ROBO2: variants seen among roughly 807,000 people sequenced by gnomAD.
The protein encoded by ROBO2 is roundabout guidance receptor 2, also known as roundabout homolog 2.
Under a neutral mutation model 160.8 loss-of-function variants are expected in ROBO2, and 53 were observed. The ratio of observed to expected loss-of-function variants is 0.33; its 90% CI spans 0.26 to 0.41. The LOEUF is 0.41. Ranked by LOEUF, ROBO2 falls within the 10% of genes least tolerant of loss-of-function variation. The probability of loss-of-function intolerance (pLI) is 1.00; values close to 1 mark genes in which losing one functional copy is unlikely to be tolerated. For missense variants in ROBO2, 1,577 were observed against 1,722.4 expected (o/e 0.92, Z 1.49); for synonymous variants, 664 against 611.7 (o/e 1.09, Z -1.26).
intron 2 of ROBO2, among the ~76,000 whole-genome samples, chr3:76,359,912 A>G (rs763428351): frequency 1.3e-5 from 2 of 152,084 alleles, no homozygotes; most frequent in Non-Finnish European, 2.9e-5. Flanking sequence ...TAAATATGAC[A>G]CAGAAACATG....
intron 2 of ROBO2, among the ~76,000 whole-genome samples, chr3:76,371,395 C>T (rs899869307): frequency 9.2e-5 from 14 of 151,868 alleles, no homozygotes; most frequent in African/African-American, 3.4e-4. Context: ...TGCACATTTG[C>T]TGATGTGAGA....
intron 2 of ROBO2, among the ~76,000 whole-genome samples, chr3:76,915,142 G>A (rs963922137): frequency 6.6e-6 from 1 of 151,792 alleles, no homozygotes; most frequent in African/African-American, 2.4e-5. Context: ...TTTATTTCTT[G>A]TTGTTCTCCC....
At chr3:76,934,608 G>A (rs566899206) in intron 2 of ROBO2, among the ~76,000 whole-genome samples, 12 of 152,126 alleles carry the variant, frequency 7.9e-5, no homozygotes, top group African/African-American at 2.9e-4. Context: ...GGACATGGTG[G>A]TGCATGCCTG....
chr3:76,678,754 G>T (rs1019146966), intron 2 of ROBO2, among the ~76,000 whole-genome samples: 2 of 152,034 alleles, frequency 1.3e-5, no homozygotes, highest in Non-Finnish European at 2.9e-5. Context: ...TTGCTCAGCC[G>T]CTAATATTGG....
intron 2 of ROBO2, among the ~76,000 whole-genome samples, chr3:76,963,836 C>CAAAAAAAAAAAAAAGAA (rs11407644): frequency 9.4e-6 from 1 of 106,208 alleles, no homozygotes; most frequent in African/African-American, 3.3e-5. Flanking sequence ...TGAGGAACTG[C>CAAAAAAAAAAAAAAGAA]AAAAAAAAAA....
chr3:77,245,582 C>T (rs947356726), intron 2 of ROBO2, among the ~76,000 whole-genome samples: 27 of 152,128 alleles, frequency 1.8e-4, no homozygotes, highest in African/African-American at 6.3e-4. Context: ...ACATAATTAA[C>T]GTACTGACTC....
At chr3:77,535,204 C>T (rs2092014420) in intron 6 of ROBO2, among the ~76,000 whole-genome samples, 1 of 149,352 alleles carries the variant, frequency 6.7e-6, no homozygotes, top group Admixed American at 6.6e-5. Context: ...TTTTCTTTTT[C>T]TTTTTCTTTT....
At chr3:77,237,083 G>T (rs2088110685) in intron 2 of ROBO2, among the ~76,000 whole-genome samples, 5 of 151,774 alleles carry the variant, frequency 3.3e-5, no homozygotes, top group Admixed American at 2.6e-4. Context: ...ACTTTGGCCA[G>T]GCTCTTCTCC....
chr3:76,984,843 C>T (rs1044394612), intron 2 of ROBO2, among the ~76,000 whole-genome samples: 4 of 151,840 alleles, frequency 2.6e-5, no homozygotes, highest in African/African-American at 9.7e-5. Context: ...ATTTATTTGA[C>T]ATAATTACAT....
intron 2 of ROBO2, among the ~76,000 whole-genome samples, chr3:77,390,777 A>T (rs2074642929): frequency 6.6e-6 from 1 of 152,304 alleles, no homozygotes; most frequent in African/African-American, 2.4e-5. Flanking sequence ...ATTATCCATT[A>T]TTCCTGTAAA....
At chr3:77,551,793 T>C (rs1379476003) in intron 8 of ROBO2, among the ~76,000 whole-genome samples, 1 of 152,076 alleles carries the variant, frequency 6.6e-6, no homozygotes, top group Non-Finnish European at 1.5e-5. Flanking sequence ...GGTGTCTTCT[T>C]GATCCCCTTC....
At chr3:75,953,058 A>G (rs567014233) in intron 2 of ROBO2, among the ~76,000 whole-genome samples, 1 of 152,086 alleles carries the variant, frequency 6.6e-6, no homozygotes, top group East Asian at 1.9e-4. Flanking sequence ...GATCATGAAT[A>G]AGGCTCCTAT....
chr3:76,812,932 T>TTTTTTTTG (rs2065328018), intron 2 of ROBO2, among the ~76,000 whole-genome samples: 1 of 149,226 alleles, frequency 6.7e-6, no homozygotes, highest in African/African-American at 2.5e-5. Flanking sequence ...TTTTTTTTTT[T>TTTTTTTTG]TTTAGCAAAT....
chr3:77,480,543 A>G (rs746757939), intron 3 of ROBO2, among the ~76,000 whole-genome samples: 1 of 152,136 alleles, frequency 6.6e-6, no homozygotes, highest in Non-Finnish European at 1.5e-5. Context: ...CATTTTCTCC[A>G]AGAATTATCT....
intron 2 of ROBO2, among the ~76,000 whole-genome samples, chr3:77,191,254 G>A (rs2081818254): frequency 6.6e-6 from 1 of 151,830 alleles, no homozygotes; most frequent in African/African-American, 2.4e-5. Context: ...AACCCTAATC[G>A]GTATTGTAAG....
chr3:76,183,706 A>G (rs1323657244), intron 2 of ROBO2, among the ~76,000 whole-genome samples: 3 of 152,090 alleles, frequency 2.0e-5, no homozygotes, highest in African/African-American at 4.8e-5. Flanking sequence ...CGAATATTCT[A>G]TTGGCTTATT....
chr3:76,773,848 T>C (rs1560537109), intron 2 of ROBO2, among the ~76,000 whole-genome samples: 1 of 150,744 alleles, frequency 6.6e-6, no homozygotes, highest in Admixed American at 6.6e-5. Context: ...AGAAACTGGA[T>C]TTATTTTTTC....
chr3:77,045,165 CT>C (rs913696198), intron 1 of ROBO2, among the ~76,000 whole-genome samples: 1 of 152,060 alleles, frequency 6.6e-6, no homozygotes. Flanking sequence ...TGATTATAAA[CT>C]CTTTTTAAAA....
intron 1 of ROBO2, among the ~76,000 whole-genome samples, chr3:77,072,223 G>A (rs2067500912): frequency 6.6e-6 from 1 of 152,074 alleles, no homozygotes; most frequent in African/African-American, 2.4e-5. Context: ...CCCCAGATGG[G>A]ACTGTCTACT....
Sources: allele counts gnomAD v4.1 joint callset (sites outside exome capture counted in the v4.1 genomes callset), GRCh38; gene constraint gnomAD v4.1.1; transcripts MANE v1.5; gene names NCBI Gene and HGNC (gene_info 2026-07-23, HGNC 2026-07-21).